ABHD17C: variants seen among roughly 807,000 people sequenced by gnomAD.
ABHD17C encodes the protein abhydrolase domain containing 17C, depalmitoylase, also known as alpha/beta hydrolase domain-containing protein 17C.
A neutral mutation model predicts 27.9 loss-of-function variants in ABHD17C; 11 were observed. That is an observed-to-expected ratio of 0.39 (90% CI 0.25 to 0.65). The LOEUF is 0.65. Ranked by LOEUF, ABHD17C falls within the 30% of genes least tolerant of loss-of-function variation. The probability of loss-of-function intolerance (pLI) is 0.45; values close to 1 mark genes in which losing one functional copy is unlikely to be tolerated. For synonymous variants in ABHD17C, 233 were observed against 209.1 expected, an observed-to-expected ratio of 1.11 and a Z score of -0.98; for missense variants, 280 against 470.2, an observed-to-expected ratio of 0.60 and a Z score of 3.74.
chr15:80,753,548 CT>C (rs763189123), intron 2 of ABHD17C, among the ~76,000 whole-genome samples: 11 of 152,002 alleles, frequency 7.2e-5, no homozygotes, highest in Non-Finnish European at 1.5e-4. Flanking sequence ...CTTTTCTTTT[CT>C]TTTTTTTCTT....
intron 1 of ABHD17C, 28 bp downstream of exon 1, chr15:80,696,047 A>C: frequency 6.6e-7 from 1 of 1,523,590 alleles, no homozygotes; most frequent in Non-Finnish European, 8.8e-7. Flanking sequence ...GCCAGGCCTG[A>C]CTTCCAGCTG....
chr15:80,719,169 C>T (rs745640780), intron 1 of ABHD17C, among the ~76,000 whole-genome samples: 1 of 152,078 alleles, frequency 6.6e-6, no homozygotes, highest in African/African-American at 2.4e-5. Context: ...GAAAAGATCA[C>T]GAAGAAAAGC....
chr15:80,745,440 A>G (rs568694485), intron 1 of ABHD17C, among the ~76,000 whole-genome samples: 1 of 151,962 alleles, frequency 6.6e-6, no homozygotes, highest in East Asian at 1.9e-4. Flanking sequence ...AGTGGCATGA[A>G]CACTGTTCAC....
intron 1 of ABHD17C, among the ~76,000 whole-genome samples, chr15:80,733,960 ATTATTTATTTAT>A (rs139005879): frequency 2.1e-3 from 303 of 144,600 alleles, no homozygotes; most frequent in African/African-American, 7.2e-3. Context: ...ATTTTATTTT[ATTATTTATTTAT>A]TTATTTATTT....
chr15:80,744,805 T>C (rs1331467826), intron 1 of ABHD17C, among the ~76,000 whole-genome samples: 1 of 152,240 alleles, frequency 6.6e-6, no homozygotes, highest in African/African-American at 2.4e-5. Context: ...TGCTTTCAAG[T>C]CCCTTTTCCA....
At chr15:80,734,611 A>G (rs1264104988) in intron 1 of ABHD17C, among the ~76,000 whole-genome samples, 1 of 152,238 alleles carries the variant, frequency 6.6e-6, no homozygotes, top group Non-Finnish European at 1.5e-5. Flanking sequence ...TTAAAAAATT[A>G]AAATGAAGTC....
chr15:80,724,904 T>A (rs1894951694), intron 1 of ABHD17C, among the ~76,000 whole-genome samples: 1 of 152,222 alleles, frequency 6.6e-6, no homozygotes, highest in Admixed American at 6.5e-5. Context: ...AGTGACATGC[T>A]TTTACTTTGA....
At chr15:80,747,389 C>T (rs756497218) in intron 1 of ABHD17C, among the ~76,000 whole-genome samples, 1 of 152,184 alleles carries the variant, frequency 6.6e-6, no homozygotes, top group African/African-American at 2.4e-5. Context: ...TGAAACGGCC[C>T]TCCCAGTCCG....
At chr15:80,742,366 A>T (rs1895222682) in intron 1 of ABHD17C, among the ~76,000 whole-genome samples, 1 of 152,202 alleles carries the variant, frequency 6.6e-6, no homozygotes, top group African/African-American at 2.4e-5. Flanking sequence ...GGGGAAGGAT[A>T]CAAGTGTATG....
intron 1 of ABHD17C, among the ~76,000 whole-genome samples, chr15:80,744,755 TCAC>T (rs1405488667): frequency 1.3e-5 from 2 of 152,224 alleles, no homozygotes; most frequent in African/African-American, 4.8e-5. Context: ...CTACTCAGTC[TCAC>T]CACCTGAAGA....
chr15:80,710,206 G>A (rs940223410), intron 1 of ABHD17C, among the ~76,000 whole-genome samples: 6 of 152,152 alleles, frequency 3.9e-5, no homozygotes, highest in Non-Finnish European at 5.9e-5. Context: ...GGCATGGTTG[G>A]CAGATGTAGA....
intron 1 of ABHD17C, among the ~76,000 whole-genome samples, chr15:80,737,609 G>A (rs1895150169): frequency 6.6e-6 from 1 of 152,164 alleles, no homozygotes; most frequent in South Asian, 2.1e-4. Context: ...ATGCCACGGT[G>A]CAGTTAAACA....
intron 1 of ABHD17C, among the ~76,000 whole-genome samples, chr15:80,710,835 C>T (rs1392611049): frequency 1.3e-5 from 2 of 152,006 alleles, no homozygotes; most frequent in Non-Finnish European, 2.9e-5. Flanking sequence ...CCTCTGCCTC[C>T]CTAAGTGCTG....
intron 1 of ABHD17C, among the ~76,000 whole-genome samples, chr15:80,716,582 A>C (rs1596063820): frequency 6.6e-6 from 1 of 152,130 alleles, no homozygotes; most frequent in South Asian, 2.1e-4. Context: ...GCCATTAATA[A>C]AGGAAATCAT....
chr15:80,750,178 T>C (rs191894302), intron 2 of ABHD17C, among the ~76,000 whole-genome samples: 49 of 152,292 alleles, frequency 3.2e-4, no homozygotes, highest in Admixed American at 2.0e-3. Flanking sequence ...AAAGGTACCA[T>C]GCTCAGTTAA....
intron 1 of ABHD17C, among the ~76,000 whole-genome samples, chr15:80,728,011 T>A (rs971874439): frequency 6.6e-6 from 1 of 152,076 alleles, no homozygotes; most frequent in African/African-American, 2.4e-5. Context: ...CTGACCTGGG[T>A]TCACAGCCAG....
chr15:80,699,671 G>A (rs189262180), intron 1 of ABHD17C, among the ~76,000 whole-genome samples: 119 of 152,362 alleles, frequency 7.8e-4, no homozygotes, highest in African/African-American at 2.9e-3. Flanking sequence ...GATAAAGACA[G>A]TGAATCCCCC....
intron 1 of ABHD17C, among the ~76,000 whole-genome samples, chr15:80,700,802 G>A (rs1006669469): frequency 3.3e-5 from 5 of 152,180 alleles, no homozygotes. Context: ...CCAGGAGGCT[G>A]AGGTGGGAGG....
intron 1 of ABHD17C, among the ~76,000 whole-genome samples, chr15:80,699,133 G>A (rs1335304824): frequency 6.6e-6 from 1 of 152,140 alleles, no homozygotes; most frequent in Non-Finnish European, 1.5e-5. Flanking sequence ...CTGGTACTCA[G>A]CCCCTTTGCT....
Sources: allele counts gnomAD v4.1 joint callset (sites outside exome capture counted in the v4.1 genomes callset), GRCh38; gene constraint gnomAD v4.1.1; transcripts MANE v1.5; gene names NCBI Gene and HGNC (gene_info 2026-07-23, HGNC 2026-07-21).